Variants in CSGALNACT1 observed in about 807,000 individuals in gnomAD.
The protein encoded by CSGALNACT1 is beta4GalNAcT-1.
A neutral mutation model predicts 51.0 loss-of-function variants in CSGALNACT1; 52 were observed. The observed-to-expected ratio is 1.02, with a 90% CI of 0.82 to 1.29. The LOEUF (loss-of-function observed/expected upper bound fraction) is 1.29, where lower values mean the gene tolerates loss of function less well. CSGALNACT1 is among the 50% of genes most tolerant of loss of function. The pLI, the probability that CSGALNACT1 is intolerant of heterozygous loss-of-function variation, is 0.00. For synonymous variants in CSGALNACT1, 341 were observed against 254.4 expected (o/e 1.34, Z -3.24); for missense variants, 935 against 679.2 (o/e 1.38, Z -4.19).
intron 1 of CSGALNACT1, among the ~76,000 whole-genome samples, chr8:19,663,421 T>C (rs975037750): frequency 3.3e-5 from 5 of 152,218 alleles, no homozygotes; most frequent in African/African-American, 1.2e-4. Flanking sequence ...CAAGTAAATA[T>C]ATTCAGAGCA....
rs75475019 is a variant in CSGALNACT1, at chr8:19,418,500, C to T, written c.1227+156G>A. Among the ~76,000 whole-genome samples, 101 of 152,284 alleles carry T rather than the reference C, an allele frequency of 6.6e-4. 1 individual carries two copies. The East Asian group carries it at 0.019, about 28-fold the overall frequency. Reference sequence around the variant, plus strand: ...TTGCAAGCACTTTTAATCAACGAGGCGCCGGGAGCAGAGGCCAGCACATCT... The same window carrying T: ...TTGCAAGCACTTTTAATCAACGAGGTGCCGGGAGCAGAGGCCAGCACATCT... On this transcript the variant is annotated intron_variant, in intron 8 of 9. Transcript: ENST00000454498.
intron 4 of CSGALNACT1, among the ~76,000 whole-genome samples, chr8:19,485,765 T>C (rs1480351422): frequency 2.5e-4 from 32 of 125,824 alleles, no homozygotes; most frequent in African/African-American, 8.5e-4. Context: ...CTTGCTTTTT[T>C]TTTTTTTTTT....
chr8:19,703,252 T>G (rs2061978803), intron 1 of CSGALNACT1, among the ~76,000 whole-genome samples: 1 of 152,116 alleles, frequency 6.6e-6, no homozygotes, highest in Non-Finnish European at 1.5e-5. Context: ...GACTTGGGAT[T>G]TGAGCCACTC....
rs186030886 is a variant in CSGALNACT1, at chr8:19,643,503, T to G, written c.-544+38970A>C. On this transcript the variant is annotated intron_variant, in intron 1 of 9. Transcript: ENST00000332246. ...AATACAAAAAATTAGCTGGGTGTGA[T>G]AGTGTGCACCTGTAATCCCAGCTAC... Among the ~76,000 whole-genome samples the G allele has an allele frequency of 1.8e-4, 27 of 152,174 alleles. 1 individual carries two copies. Among genetic ancestry groups the G allele is most frequent in the Non-Finnish European group, 7.4e-5 (5 of 68,008 alleles).
chr8:19,526,023 A>G (rs1465673384), intron 3 of CSGALNACT1, among the ~76,000 whole-genome samples: 2 of 152,196 alleles, frequency 1.3e-5, no homozygotes, highest in African/African-American at 2.4e-5. Flanking sequence ...AATACTTCAG[A>G]CCTTTACAAC....
chr8:19,526,224 AG>A (rs1462606060), intron 3 of CSGALNACT1, among the ~76,000 whole-genome samples: 1 of 152,172 alleles, frequency 6.6e-6, no homozygotes, highest in Non-Finnish European at 1.5e-5. Flanking sequence ...GTTTCCATTC[AG>A]GGGCTTGCAT....
At position 19,612,946 on chromosome 8, in the gene CSGALNACT1, G is replaced by GAAAAAAAAAAAAAAAAAAAAAAA. The variant is rs1165754811; in HGVS notation, c.-543-11104_-543-11082dup. On this transcript the variant is annotated intron_variant, in intron 1 of 9. Coordinates refer to the CSGALNACT1 transcript ENST00000332246. The stretch of plus-strand genomic sequence containing the variant: ...CAAAAGAAGAGAGGAAAAGCAGCTG[G>GAAAAAAAAAAAAAAAAAAAAAAA]AAAAAAAAAAAAAAAAAAAAAAAAA... Among the ~76,000 whole-genome samples, 7 of 15,446 alleles carry GAAAAAAAAAAAAAAAAAAAAAAA rather than the reference G, an allele frequency of 4.5e-4. 2 individuals carry two copies. Among genetic ancestry groups the GAAAAAAAAAAAAAAAAAAAAAAA allele is most frequent in the African/African-American group, 5.6e-4 (4 of 7,162 alleles). The allele number at this position is 15,446 out of a possible 152,430, so 10.1% of individuals were successfully genotyped here.
chr8:19,432,994 T>C (rs1216607000), intron 6 of CSGALNACT1, among the ~76,000 whole-genome samples: 1 of 152,174 alleles, frequency 6.6e-6, no homozygotes, highest in Non-Finnish European at 1.5e-5. Flanking sequence ...TTTCTTCACA[T>C]GCCTCATAAT....
chr8:19,581,165 G>C (rs2045482271), intron 3 of CSGALNACT1, among the ~76,000 whole-genome samples: 1 of 152,090 alleles, frequency 6.6e-6, no homozygotes, highest in Admixed American at 6.5e-5. Flanking sequence ...ACCACAATTA[G>C]GAGAAATATA....
intron 1 of CSGALNACT1, among the ~76,000 whole-genome samples, chr8:19,643,001 T>A (rs762541688): frequency 1.3e-5 from 2 of 152,106 alleles, no homozygotes; most frequent in Non-Finnish European, 2.9e-5. Flanking sequence ...ACAGTTAAAT[T>A]GTGACCAACC....
At chr8:19,575,151 T>A (rs2043903839) in intron 3 of CSGALNACT1, among the ~76,000 whole-genome samples, 1 of 152,190 alleles carries the variant, frequency 6.6e-6, no homozygotes, top group South Asian at 2.1e-4. Flanking sequence ...GGATCTCTAG[T>A]GCAAAATGCA....
At chr8:19,679,321 G>C (rs1305214799) in intron 1 of CSGALNACT1, among the ~76,000 whole-genome samples, 1 of 152,068 alleles carries the variant, frequency 6.6e-6, no homozygotes, top group Non-Finnish European at 1.5e-5. Context: ...GGGGTTTGGT[G>C]ATGTGCATCT....
chr8:19,757,665 C>G lies in CSGALNACT1; in HGVS notation c.-297+185G>C, dbSNP rs1324328768. 2.0e-5 allele frequency among the ~76,000 whole-genome samples: 3 copies of G among 152,170 alleles called. No individual in the cohort carries two copies. The highest frequency in any genetic ancestry group is 7.2e-5 in the African/African-American group (3 of 41,448). On this transcript the variant is annotated intron_variant, in intron 1 of 1. Transcript: ENST00000517494. The surrounding 1 kb of genome is among the most constrained non-coding windows in gnomAD (Gnocchi z 4.0). ...GTGTCCAATCTCCATGGGGTCCTTA[C>G]TCTTGCAGGACAGAGTTCCCCATCC...
intron 4 of CSGALNACT1, among the ~76,000 whole-genome samples, chr8:19,474,821 C>T (rs1032332656): frequency 1.1e-4 from 14 of 128,566 alleles, no homozygotes; most frequent in East Asian, 2.6e-4. Context: ...GAGCTGAGAT[C>T]GCACCATTGC....
At chr8:19,619,416 C>T (rs529510124) in intron 1 of CSGALNACT1, among the ~76,000 whole-genome samples, 1 of 152,026 alleles carries the variant, frequency 6.6e-6, no homozygotes, top group Admixed American at 6.6e-5. Flanking sequence ...GAGCCATGTC[C>T]TAAGTGCAAT....
At chr8:19,751,494 T>C (rs1028276461) in intron 1 of CSGALNACT1, among the ~76,000 whole-genome samples, 1 of 152,212 alleles carries the variant, frequency 6.6e-6, no homozygotes, top group Admixed American at 6.5e-5. Context: ...TAAGTTTACC[T>C]GAATCCTCTG....
intron 1 of CSGALNACT1, among the ~76,000 whole-genome samples, chr8:19,713,312 G>C (rs921115939): frequency 6.6e-6 from 1 of 152,152 alleles, no homozygotes; most frequent in African/African-American, 2.4e-5. Context: ...ATTCCATTAT[G>C]AAAGGCTTCA....
chr8:19,647,910 G>A (rs922055303), intron 1 of CSGALNACT1, among the ~76,000 whole-genome samples: 7 of 152,124 alleles, frequency 4.6e-5, no homozygotes, highest in Non-Finnish European at 1.0e-4. Flanking sequence ...TAAAAGAAAG[G>A]CACTCTGTGT....
intron 4 of CSGALNACT1, among the ~76,000 whole-genome samples, chr8:19,479,236 T>C (rs2070678692): frequency 6.6e-6 from 1 of 152,304 alleles, no homozygotes; most frequent in East Asian, 1.9e-4. Context: ...GCTGGAATCA[T>C]TACAGCTGTC....
Sources: allele counts gnomAD v4.1 joint callset (sites outside exome capture counted in the v4.1 genomes callset), GRCh38; gene constraint gnomAD v4.1.1; non-coding constraint Gnocchi (gnomAD v3.1); transcripts MANE v1.5; gene names NCBI Gene and HGNC (gene_info 2026-07-23, HGNC 2026-07-21).